Variants in LRRC8B observed in about 807,000 individuals in gnomAD.
LRRC8B encodes the protein volume-regulated anion channel subunit LRRC8B.
A neutral mutation model predicts 58.8 loss-of-function variants in LRRC8B; 23 were observed. The observed-to-expected ratio is 0.39, with a 90% CI of 0.28 to 0.55. The LOEUF is 0.55. Among genes scored for constraint, LRRC8B ranks in the 20% least tolerant of loss-of-function variants. The pLI, the probability that LRRC8B is intolerant of heterozygous loss-of-function variation, is 0.62. For synonymous variants in LRRC8B, 359 were observed against 374.1 expected (o/e 0.96, Z 0.47); for missense variants, 694 against 936.0 (o/e 0.74, Z 3.37).
At chr1:89,531,889 A>T (rs1650161344) in intron 1 of LRRC8B, among the ~76,000 whole-genome samples, 1 of 152,112 alleles carries the variant, frequency 6.6e-6, no homozygotes, top group Non-Finnish European at 1.5e-5. Context: ...AGGCAATCCC[A>T]AGAGAGTTTA....
intron 1 of LRRC8B, among the ~76,000 whole-genome samples, chr1:89,549,326 T>C (rs1482344254): frequency 6.6e-6 from 1 of 152,232 alleles, no homozygotes; most frequent in Non-Finnish European, 1.5e-5. Context: ...CAGAAATTCC[T>C]TCATGTTTCT....
At chr1:89,589,423 C>T (rs1654837892) in intron 5 of LRRC8B, among the ~76,000 whole-genome samples, 1 of 152,096 alleles carries the variant, frequency 6.6e-6, no homozygotes, top group Admixed American at 6.5e-5. Context: ...ATCACAGTGC[C>T]AAAGAGTAAT....
intron 1 of LRRC8B, among the ~76,000 whole-genome samples, chr1:89,526,007 C>T (rs959006530): frequency 1.3e-5 from 2 of 152,164 alleles, no homozygotes; most frequent in Non-Finnish European, 2.9e-5. Context: ...AAAAGACAAC[C>T]TATTTGCAAA....
chr1:89,589,114 C>T (rs1198218389), intron 5 of LRRC8B, among the ~76,000 whole-genome samples: 2 of 152,012 alleles, frequency 1.3e-5, no homozygotes, highest in East Asian at 3.8e-4. Context: ...ATAATATTTT[C>T]ACTTTTGCCT....
chr1:89,584,365 G>T lies in LRRC8B; in HGVS notation c.1715G>T (p.Gly572Val). The stretch of plus-strand genomic sequence containing the variant: ...CAGAAACTGTCCCTTGATAATGAGG[G>T]AAGCAAACTGGTTGTGTTGAACAAC... ...SLQKLSLDNE[G>V]SKLVVLNNLK... Residue 572 changes from glycine (G) to valine (V), a missense_variant, in exon 5 of 6, where the codon GGA (glycine) becomes GTA (valine). By Grantham distance (109) the Gly-to-Val change is moderately radical. This residue lies in a region of LRRC8B where 53 missense variants were observed against 112.3 expected (regional missense o/e 0.47). Coordinates refer to ENST00000330947, the MANE Select transcript of LRRC8B (RefSeq NM_001369817.2). 6.2e-7 allele frequency: 1 copy of T among 1,614,102 alleles called. No homozygotes were observed.
At chr1:89,552,783 C>T (rs899825109) in intron 1 of LRRC8B, among the ~76,000 whole-genome samples, 1 of 152,198 alleles carries the variant, frequency 6.6e-6, no homozygotes, top group African/African-American at 2.4e-5. Context: ...GATGAGCCAG[C>T]CTGGCTACAG....
intron 5 of LRRC8B, among the ~76,000 whole-genome samples, chr1:89,588,497 G>C (rs1654779627): frequency 1.3e-5 from 2 of 152,028 alleles, no homozygotes. Flanking sequence ...CATCCACAGA[G>C]GACTGAAAAA....
intron 1 of LRRC8B, among the ~76,000 whole-genome samples, chr1:89,544,483 A>C (rs1012101394): frequency 6.6e-6 from 1 of 152,194 alleles, no homozygotes; most frequent in Non-Finnish European, 1.5e-5. Flanking sequence ...AGTCATATTA[A>C]TGTCCAAAGT....
chr1:89,582,213 A>G (rs1246188820), intron 4 of LRRC8B, among the ~76,000 whole-genome samples: 1 of 128,394 alleles, frequency 7.8e-6, no homozygotes, highest in Non-Finnish European at 1.7e-5. Context: ...CCCTGTCTCA[A>G]AAAAAAAAGG....
rs1655336019 is a variant in LRRC8B, at chr1:89,597,006, A to G, written c.*3963A>G. 6.6e-6 allele frequency: 1 copy of G among 152,194 alleles called. No individual in the cohort carries two copies. Among genetic ancestry groups the G allele is most frequent in the African/African-American group, 2.4e-5 (1 of 41,458 alleles). 9.4% of individuals were successfully genotyped at this position (152,194 alleles called of 1,614,324 possible). A position where few individuals can be genotyped will look rare whatever the true frequency, so the allele number is the denominator to read the frequency against. ...GTTATTTTGCATCCTAGTTTGTATT[A>G]TGAAGTCATCATATATATATTTGAA... is the stretch of plus-strand genomic sequence containing the variant. On this transcript the variant is annotated 3_prime_UTR_variant, in exon 6 of 6. Transcript: ENST00000330947.
At chr1:89,526,854 A>G (rs1030752169) in intron 1 of LRRC8B, 1 of 152,240 alleles carries the variant, frequency 6.6e-6, no homozygotes, top group Non-Finnish European at 1.5e-5. Flanking sequence ...TCAGCCTATT[A>G]TGAATCTTTT....
chr1:89,536,477 G>C (rs1650544800), intron 1 of LRRC8B, among the ~76,000 whole-genome samples: 1 of 152,208 alleles, frequency 6.6e-6, no homozygotes, highest in African/African-American at 2.4e-5. Context: ...GCTCTTAGCA[G>C]GCCCTAGAGT....
chr1:89,544,280 G>A (rs187963225), intron 1 of LRRC8B, among the ~76,000 whole-genome samples: 71 of 152,156 alleles, frequency 4.7e-4, no homozygotes, highest in Non-Finnish European at 9.6e-4. Flanking sequence ...TGTTACACAT[G>A]GTAAAGTCGT....
intron 5 of LRRC8B, among the ~76,000 whole-genome samples, chr1:89,589,481 G>A (rs1331002345): frequency 6.6e-6 from 1 of 152,046 alleles, no homozygotes; most frequent in Non-Finnish European, 1.5e-5. Flanking sequence ...CAAGGCATGG[G>A]AAAGGATTGA....
At chr1:89,534,510 GACAT>G (rs1439559091) in intron 1 of LRRC8B, among the ~76,000 whole-genome samples, 1 of 137,970 alleles carries the variant, frequency 7.2e-6, no homozygotes, top group African/African-American at 2.8e-5. Context: ...TGTCTTTTGT[GACAT>G]ACACACACAC....
At chr1:89,550,676 A>G (rs1651731312) in intron 1 of LRRC8B, among the ~76,000 whole-genome samples, 1 of 152,182 alleles carries the variant, frequency 6.6e-6, no homozygotes, top group Non-Finnish European at 1.5e-5. Flanking sequence ...AGCACTTTAT[A>G]ACAGAGCCTT....
chr1:89,547,142 TCTCTTC>T (rs1476888106), intron 1 of LRRC8B, among the ~76,000 whole-genome samples: 1 of 152,166 alleles, frequency 6.6e-6, no homozygotes. Context: ...GTGTGACACA[TCTCTTC>T]TCAACTCCAC....
At chr1:89,568,783 T>C (rs1306425238) in intron 3 of LRRC8B, among the ~76,000 whole-genome samples, 1 of 152,138 alleles carries the variant, frequency 6.6e-6, no homozygotes, top group Non-Finnish European at 1.5e-5. Context: ...CTAAGGAATA[T>C]AATAAATGGC....
chr1:89,559,410 C>T (rs954556066), intron 1 of LRRC8B, among the ~76,000 whole-genome samples: 5 of 151,738 alleles, frequency 3.3e-5, no homozygotes, highest in South Asian at 2.1e-4. Context: ...TTTGGGAGGC[C>T]GAGGTGGGAC....
Sources: allele counts gnomAD v4.1 joint callset (sites outside exome capture counted in the v4.1 genomes callset), GRCh38; gene constraint gnomAD v4.1.1; regional missense constraint gnomAD v4.1.1; transcripts MANE v1.5; gene names NCBI Gene and HGNC (gene_info 2026-07-23, HGNC 2026-07-21).